The following TENM4 variants were observed in gnomAD, a reference collection of about 807,000 sequenced individuals.
TENM4 encodes the protein teneurin-4.
In TENM4, 82 loss-of-function variants were observed where a neutral mutation model predicts 243.3. The observed-to-expected ratio is 0.34, with a 90% CI of 0.28 to 0.40. The LOEUF (loss-of-function observed/expected upper bound fraction) is 0.40, where lower values mean the gene tolerates loss of function less well. Ranked by LOEUF, TENM4 falls within the 10% of genes least tolerant of loss-of-function variation. TENM4 has a pLI of 1.00. For missense variants in TENM4, 3,138 were observed against 3,673.3 expected (o/e 0.85, Z 3.77); for synonymous variants, 1,412 against 1,456.3 (o/e 0.97, Z 0.69).
Position 78,726,114 on chromosome 11 carries a change from C to T in TENM4, c.3515G>A (p.Ser1172Asn). ...GTTGAGGGCATGATGTTTGTCTAGGCTCCATCCTCCAAGCTTGGACGCGTC... is the reference window on the plus strand; with the variant it reads ...GTTGAGGGCATGATGTTTGTCTAGGTTCCATCCTCCAAGCTTGGACGCGTC... ...EIDASKLGGW[S>N]LDKHHALNIQ... Residue 1172 changes from serine to asparagine, a missense_variant, in exon 23 of 34, where the codon AGC becomes AAC. By Grantham distance (46) the Ser-to-Asn change is conservative (BLOSUM62 1). Coordinates refer to ENST00000278550, the MANE Select transcript of TENM4 (RefSeq NM_001098816.3). 1 of 1,614,020 alleles carries T rather than the reference C, an allele frequency of 6.2e-7. No individual in the cohort carries two copies. The highest frequency in any genetic ancestry group is 8.5e-7 in the Non-Finnish European group (1 of 1,179,896).
intron 29 of TENM4, among the ~76,000 whole-genome samples, chr11:78,683,971 A>G (rs1858591171): frequency 1.3e-5 from 2 of 152,110 alleles, no homozygotes; most frequent in African/African-American, 4.8e-5. Context: ...GTCTTCAGTA[A>G]GTGCTGGCTT....
At chr11:78,877,207 G>A (rs150236315) in intron 9 of TENM4, among the ~76,000 whole-genome samples, 67 of 132,388 alleles carry the variant, frequency 5.1e-4, no homozygotes, top group Non-Finnish European at 8.7e-4. Context: ...GCACTGAGTG[G>A]AAGGAGAAAT....
chr11:78,937,761 G>T lies in TENM4; in HGVS notation c.494-34238C>A, dbSNP rs1469182692. Among the ~76,000 whole-genome samples the T allele has an allele frequency of 3.3e-5, 5 of 152,204 alleles. No homozygotes were observed. In the East Asian group the frequency reaches 9.7e-4, roughly 29 times the overall value. On this transcript the variant is annotated intron_variant, in intron 6 of 33. Transcript: ENST00000278550. ...AGATGATAGTCATATTCCCAAACAG[G>T]CCAGTTTTAGCCAGCATGATAAGGA... is the stretch of plus-strand genomic sequence containing the variant.
chr11:78,798,083 A>G (rs544195947), intron 15 of TENM4, among the ~76,000 whole-genome samples: 116 of 152,304 alleles, frequency 7.6e-4, no homozygotes, highest in African/African-American at 2.7e-3. Flanking sequence ...ACATAAGACA[A>G]TTTCTCTGGC....
intron 6 of TENM4, among the ~76,000 whole-genome samples, chr11:79,048,171 C>A (rs1253752132): frequency 2.0e-5 from 3 of 152,170 alleles, no homozygotes; most frequent in Admixed American, 2.0e-4. Context: ...TGAATATCAA[C>A]AGTTTCACAT....
chr11:78,999,010 A>G (rs1051226675), intron 6 of TENM4, among the ~76,000 whole-genome samples: 2 of 152,224 alleles, frequency 1.3e-5, no homozygotes, highest in Non-Finnish European at 2.9e-5. Context: ...ATTTCCCTTC[A>G]TCTCACATCT....
chr11:79,190,768 GTCCCTC>G (rs1863463291), intron 3 of TENM4, among the ~76,000 whole-genome samples: 13 of 145,736 alleles, frequency 8.9e-5, no homozygotes, highest in African/African-American at 3.2e-4. Flanking sequence ...AAATATTTTC[GTCCCTC>G]TCCCTCTCCC....
intron 18 of TENM4, among the ~76,000 whole-genome samples, chr11:78,763,367 G>C (rs1856472902): frequency 6.6e-6 from 1 of 152,152 alleles, no homozygotes. Context: ...ATGGGGAGTG[G>C]AGGGCAAAGA....
intron 6 of TENM4, among the ~76,000 whole-genome samples, chr11:79,010,405 C>T (rs2705229): frequency 0.43 from 65,414 of 151,858 alleles, 15,141 homozygotes; most frequent in African/African-American, 0.61. Context: ...CCAGGGAGGC[C>T]GGAAGTCTTC....
intron 3 of TENM4, among the ~76,000 whole-genome samples, chr11:79,168,915 T>C (rs1176179718): frequency 1.3e-5 from 2 of 152,232 alleles, no homozygotes; most frequent in East Asian, 1.9e-4. Context: ...GCTAGTTTAC[T>C]GGATGACATG....
intron 17 of TENM4, among the ~76,000 whole-genome samples, chr11:78,777,931 A>T (rs768985664): frequency 6.6e-6 from 1 of 152,160 alleles, no homozygotes; most frequent in Non-Finnish European, 1.5e-5. Context: ...AACTAATGTA[A>T]ATGTTTAAAA....
At chr11:79,167,636 C>T (rs1862943789) in intron 3 of TENM4, among the ~76,000 whole-genome samples, 1 of 152,226 alleles carries the variant, frequency 6.6e-6, no homozygotes, top group South Asian at 2.1e-4. Context: ...TCCACTCCGA[C>T]TGCCAGAAGG....
intron 14 of TENM4, among the ~76,000 whole-genome samples, chr11:78,808,248 AT>A (rs1419352718): frequency 2.0e-5 from 3 of 152,226 alleles, no homozygotes; most frequent in Non-Finnish European, 4.4e-5. Flanking sequence ...TAAGAAAGTT[AT>A]TTTGCTATTT....
chr11:79,224,922 G>T (rs1864233550), intron 2 of TENM4, among the ~76,000 whole-genome samples: 1 of 151,994 alleles, frequency 6.6e-6, no homozygotes, highest in South Asian at 2.1e-4. Context: ...TTGCACTCCA[G>T]CCTGGGCAAC....
At chr11:79,412,305 A>G (rs1858718305) in intron 1 of TENM4, among the ~76,000 whole-genome samples, 1 of 152,254 alleles carries the variant, frequency 6.6e-6, no homozygotes. Context: ...CAGCTCCCTC[A>G]TGATGGCCCA....
chr11:79,425,477 A>T (rs1417617448), intron 1 of TENM4, among the ~76,000 whole-genome samples: 1 of 149,986 alleles, frequency 6.7e-6, no homozygotes, highest in Non-Finnish European at 1.5e-5. Context: ...AGCTACTAAG[A>T]GACTAGCCCT....
chr11:79,356,945 A>G (rs1406163651), intron 1 of TENM4, among the ~76,000 whole-genome samples: 1 of 152,144 alleles, frequency 6.6e-6, no homozygotes, highest in African/African-American at 2.4e-5. Flanking sequence ...TAGTAAGAGA[A>G]TCTACTTCTC....
intron 19 of TENM4, among the ~76,000 whole-genome samples, chr11:78,745,771 T>C (rs1856037416): frequency 6.6e-6 from 1 of 152,254 alleles, no homozygotes; most frequent in Non-Finnish European, 1.5e-5. Context: ...CTTGGGACTA[T>C]GATAGTGTGT....
At position 78,942,259 on chromosome 11, in the gene TENM4, C is replaced by CAAAAAAAAAA. The variant is rs56973257; in HGVS notation, c.494-38746_494-38737dup. Among the ~76,000 whole-genome samples, 4 of 11,218 alleles carry CAAAAAAAAAA rather than the reference C, an allele frequency of 3.6e-4. 1 individual carries two copies. The highest frequency in any genetic ancestry group is 6.7e-4 in the Non-Finnish European group (4 of 5,974). 7.4% of individuals were successfully genotyped at this position (11,218 alleles called of 152,430 possible). A position where few individuals can be genotyped will look rare whatever the true frequency, so the allele number is the denominator to read the frequency against. ...TGAAACCCATCTCTACAAAATACAC[C>CAAAAAAAAAA]AAAAAAAAAAAAAAAAAAAAAAAAA... On this transcript the variant is annotated intron_variant, in intron 6 of 33. Coordinates refer to ENST00000278550, the MANE Select transcript of TENM4 (RefSeq NM_001098816.3).
Sources: allele counts gnomAD v4.1 joint callset (sites outside exome capture counted in the v4.1 genomes callset), GRCh38; gene constraint gnomAD v4.1.1; transcripts MANE v1.5; gene names NCBI Gene and HGNC (gene_info 2026-07-23, HGNC 2026-07-21).